DMBT1: variants seen among roughly 807,000 people sequenced by gnomAD.
DMBT1 encodes scavenger receptor cysteine-rich domain-containing protein DMBT1.
DMBT1 carries 198 observed loss-of-function variants against 252.9 expected under a neutral mutation model. The ratio of observed to expected loss-of-function variants is 0.78; its 90% CI spans 0.70 to 0.88. The LOEUF (loss-of-function observed/expected upper bound fraction) is 0.88, where lower values mean the gene tolerates loss of function less well. Ranked by LOEUF, DMBT1 falls within the 40% of genes least tolerant of loss-of-function variation. The probability of loss-of-function intolerance (pLI) is 0.00; values close to 1 mark genes in which losing one functional copy is unlikely to be tolerated. For synonymous variants in DMBT1, 990 were observed against 942.7 expected, an observed-to-expected ratio of 1.05 and a Z score of -0.92; for missense variants, 2,432 against 2,404.7, an observed-to-expected ratio of 1.01 and a Z score of -0.24.
In DMBT1 at chr10:122,586,174, C is replaced by A. The variant is rs773273957; in HGVS notation, c.1574C>A (p.Thr525Asn). ...WGTVCDDSWD[T>N]NDANVVCRQL... ...ACCGTGTGTGATGACAGCTGGGACA[C>A]CAATGATGCCAATGTGGTCTGCAGG... The change falls in exon 16 of 56, where the codon ACC (threonine) becomes AAC (asparagine). Residue 525 changes from threonine to asparagine, a missense_variant. This residue lies in a region of DMBT1 where 1,264 missense variants were observed against 1,082.2 expected (regional missense o/e 1.17). Transcript: ENST00000338354. 6.3e-6 allele frequency: 10 copies of A among 1,589,216 alleles called. 2 individuals are homozygous for A. The highest frequency in any genetic ancestry group is 6.9e-6 in the Non-Finnish European group (8 of 1,166,118).
Position 122,629,891 on chromosome 10 carries a change from C to A in DMBT1, c.5720C>A (p.Ser1907Tyr), listed in dbSNP as rs774605711. The change falls in exon 47 of 56, where the codon TCC (serine) becomes TAC (tyrosine). Residue 1907 changes from serine (S) to tyrosine (Y), a missense_variant. Around this residue, in one of 3 missense-constraint regions of DMBT1, gnomAD observed 1,162 missense variants for 1,169.0 expected, o/e 0.99. Transcript: ENST00000338354. The stretch of plus-strand genomic sequence containing the variant: ...TTATTCTATGCCAGTGGGACATTCT[C>A]CAGCCCATCCTACCCTGCATACTAC... ...GFLFYASGTFSSPSYPAYYPN... is the reference protein window; with the variant it reads ...GFLFYASGTFYSPSYPAYYPN... 3.1e-6 allele frequency: 5 copies of A among 1,614,022 alleles called. No individual in the cohort carries two copies. In the Admixed American group the frequency reaches 8.3e-5, roughly 27 times the overall value.
rs370827974 is a variant in DMBT1, at chr10:122,640,309, C to T, written c.7212C>T (p.Tyr2404=). The T allele has an allele frequency of 1.3e-4, 203 of 1,614,070 alleles. No homozygotes were observed. Among genetic ancestry groups the T allele is most frequent in the Middle Eastern group, 6.6e-4 (4 of 6,062 alleles). The change falls in exon 55 of 56, where the codon TAC becomes TAT. Residue 2404 remains tyrosine (Y), a synonymous_variant. Coordinates refer to ENST00000338354, the MANE Select transcript of DMBT1 (RefSeq NM_001377530.1). The part of the protein sequence containing the change: ...FLYPVTSRPY[Y]VDLNQDLYVQ... The stretch of plus-strand genomic sequence containing the variant: ...ATCCTGTGACCAGCCGCCCTTACTA[C>T]GTGGACCTGAACCAGGACTTGTACG...
chr10:122,640,117 C>A lies in DMBT1; in HGVS notation c.7020C>A (p.Asp2340Glu). 2 of 1,614,080 alleles carry A rather than the reference C, an allele frequency of 1.2e-6. No individual in the cohort carries two copies. Among genetic ancestry groups the A allele is most frequent in the Non-Finnish European group, 1.7e-6 (2 of 1,179,912 alleles). The change falls in exon 55 of 56, where the codon GAC becomes GAA. Residue 2340 changes from aspartate to glutamate, a missense_variant. Physicochemically the swap from Asp to Glu is conservative, Grantham distance 45 (BLOSUM62 2). This residue lies in a region of DMBT1 where 1,162 missense variants were observed against 1,169.0 expected (regional missense o/e 0.99). Coordinates refer to ENST00000338354, the MANE Select transcript of DMBT1 (RefSeq NM_001377530.1). ...VSGGIIKRRT[D>E]LRIHVSCRML... ...GTGGCATCATCAAGAGGAGGACAGA[C>A]CTCCGTATTCACGTCAGCTGCAGAA...
At chr10:122,634,414 TC>T (rs2098199556) in intron 52 of DMBT1, among the ~76,000 whole-genome samples, 3,967 of 95,918 alleles carry the variant, frequency 0.041, 62 homozygotes, top group Middle Eastern at 0.064. Flanking sequence ...TCTTTCTTTC[TC>T]TCTCTCTCTC....
At chr10:122,571,044 T>G (rs1237534919) in intron 4 of DMBT1, 107 bp downstream of exon 4, 1 of 1,355,152 alleles carries the variant, frequency 7.4e-7, no homozygotes. Context: ...AGGGTGCTGG[T>G]GTCATGTTCT....
At chr10:122,589,342 T>G in intron 17 of DMBT1, 75 bp downstream of exon 17, 1 of 1,565,398 alleles carries the variant, frequency 6.4e-7, no homozygotes, top group Non-Finnish European at 8.7e-7. Flanking sequence ...TGTTCTAATC[T>G]CCTCACTCAG....
At position 122,617,937 on chromosome 10, in the gene DMBT1, A is replaced by G; in HGVS notation, c.4892-80A>G. ...GCCCAGGTGACTCTGGCCATTAGGA[A>G]GTACCCTGAGTGTGGAACTTGCCTT... On this transcript the variant is annotated intron_variant, in intron 40 of 55. Coordinates refer to ENST00000338354, the MANE Select transcript of DMBT1 (RefSeq NM_001377530.1). 2.5e-6 allele frequency: 4 copies of G among 1,588,026 alleles called. No homozygotes were observed. In the South Asian group the frequency reaches 3.5e-5, roughly 14 times the overall value.
Position 122,579,885 on chromosome 10 carries a change from T to C in DMBT1, c.987T>C (p.Ala329=), listed in dbSNP as rs1293149202. Residue 329 remains alanine, a synonymous_variant, in exon 10 of 56, where the codon GCT becomes GCC. Transcript: ENST00000338354. ...LTHNCGHSED[A]GVICSAPQSR... ...ACAACTGTGGCCATAGTGAAGACGC[T>C]GGTGTCATCTGCTCAGGTGGGCCTT... is the stretch of plus-strand genomic sequence containing the variant. 1.1e-5 allele frequency: 17 copies of C among 1,613,704 alleles called. No individual in the cohort carries two copies. Among genetic ancestry groups the C allele is most frequent in the Admixed American group, 1.7e-5 (1 of 60,004 alleles).
At chr10:122,619,135 C>T (rs540872048) in intron 41 of DMBT1, among the ~76,000 whole-genome samples, 173 bp from the exon 42 acceptor site, 1 of 152,340 alleles carries the variant, frequency 6.6e-6, no homozygotes, top group Non-Finnish European at 1.5e-5. Flanking sequence ...GATCTGCCTG[C>T]ACCCCTTATA....
chr10:122,630,555 A>T, intron 48 of DMBT1, 65 bp downstream of exon 48: 3 of 1,522,432 alleles, frequency 2.0e-6, no homozygotes, highest in Non-Finnish European at 2.7e-6. Flanking sequence ...CTTTGGGGGC[A>T]CCATGGTTCC....
At chr10:122,634,307 C>T (rs17096157) in intron 52 of DMBT1, among the ~76,000 whole-genome samples, 1 of 151,780 alleles carries the variant, frequency 6.6e-6, no homozygotes, top group Non-Finnish European at 1.5e-5. Flanking sequence ...TAGAAATCAT[C>T]GTTTTAAGCA....
intron 6 of DMBT1, 37 bp from the exon 7 acceptor site, chr10:122,576,362 T>C (rs960979297): frequency 3.1e-6 from 5 of 1,606,634 alleles, no homozygotes; most frequent in Admixed American, 1.7e-5. Context: ...TGTGCCTCAG[T>C]AGGAATGTGC....
intron 6 of DMBT1, among the ~76,000 whole-genome samples, chr10:122,575,513 T>C (rs2097704607): frequency 6.6e-6 from 1 of 152,018 alleles, no homozygotes; most frequent in Non-Finnish European, 1.5e-5. Context: ...TTATATTTTC[T>C]GGTTTTTTTT....
chr10:122,631,805 C>T (rs1163817376), intron 49 of DMBT1, 50 bp from the exon 50 acceptor site: 15 of 1,610,470 alleles, frequency 9.3e-6, no homozygotes, highest in East Asian at 2.2e-5. Context: ...CCGGCCCCTC[C>T]TCCAAGCCAC....
At position 122,643,406 on chromosome 10, in the gene DMBT1, C is replaced by G; in HGVS notation, c.*8C>G. 1 of 1,607,598 alleles carries G rather than the reference C, an allele frequency of 6.2e-7. No homozygotes were observed. Among genetic ancestry groups the G allele is most frequent in the Non-Finnish European group, 8.5e-7 (1 of 1,176,602 alleles). ...GAAGAGGAGCCTCGGTAGGTGGTCGCTCTCAGACCCCACTGTCCACCGGGG... is the reference window on the plus strand; with the variant it reads ...GAAGAGGAGCCTCGGTAGGTGGTCGGTCTCAGACCCCACTGTCCACCGGGG... On this transcript the variant is annotated 3_prime_UTR_variant, in exon 56 of 56. Transcript: ENST00000338354.
At chr10:122,580,015 A>C (rs2097753976) in intron 10 of DMBT1, 114 bp downstream of exon 10, 3 of 1,541,898 alleles carry the variant, frequency 1.9e-6, no homozygotes, top group Admixed American at 4.0e-5. Context: ...TATGTTTCTG[A>C]AGACTTGTCA....
chr10:122,564,002 G>A (rs1355886760), intron 1 of DMBT1, among the ~76,000 whole-genome samples: 1 of 152,170 alleles, frequency 6.6e-6, no homozygotes, highest in Non-Finnish European at 1.5e-5. Context: ...GAAAAGAGGT[G>A]GGGATGTTCT....
chr10:122,576,381 T>A lies in DMBT1; in HGVS notation c.284-18T>A. The A allele has an allele frequency of 6.2e-7, 1 of 1,611,978 alleles. No homozygotes were observed. Among genetic ancestry groups the A allele is most frequent in the Non-Finnish European group, 8.5e-7 (1 of 1,178,774 alleles). ...CCTCAGTAGGAATGTGCAAGAGAAATTCTGTGCCTTCCTCTAGGATCTGAT... is the reference window on the plus strand; with the variant it reads ...CCTCAGTAGGAATGTGCAAGAGAAAATCTGTGCCTTCCTCTAGGATCTGAT... On this transcript the variant is annotated intron_variant, in intron 6 of 55. Coordinates refer to ENST00000338354, the MANE Select transcript of DMBT1 (RefSeq NM_001377530.1).
Position 122,560,766 on chromosome 10 carries a change from G to T in DMBT1, c.-5G>T. ...TTTCTATTCAATTGAGAAGAACCCA[G>T]CAAAATGGGGATCTCCACAGTCATC... is the stretch of plus-strand genomic sequence containing the variant. On this transcript the variant is annotated 5_prime_UTR_variant, in exon 1 of 56. Transcript: ENST00000338354. The T allele has an allele frequency of 6.4e-7, 1 of 1,566,854 alleles. No individual in the cohort carries two copies. Among genetic ancestry groups the T allele is most frequent in the Non-Finnish European group, 8.7e-7 (1 of 1,153,970 alleles).
Sources: allele counts gnomAD v4.1 joint callset (sites outside exome capture counted in the v4.1 genomes callset), GRCh38; gene constraint gnomAD v4.1.1; regional missense constraint gnomAD v4.1.1; transcripts MANE v1.5; gene names NCBI Gene and HGNC (gene_info 2026-07-23, HGNC 2026-07-21).